SLC8A1: variants seen among roughly 807,000 people sequenced by gnomAD.
SLC8A1 encodes the protein solute carrier family 8 member A1.
SLC8A1 carries 18 observed loss-of-function variants against 68.3 expected under a neutral mutation model. The observed-to-expected ratio is 0.26, with a 90% CI of 0.18 to 0.39. SLC8A1 has a LOEUF of 0.39. Ranked by LOEUF, SLC8A1 falls within the 10% of genes least tolerant of loss-of-function variation. SLC8A1 has a pLI of 1.00. For synonymous variants in SLC8A1, 475 were observed against 415.5 expected (o/e 1.14, Z -1.74); for missense variants, 985 against 1,156.7 (o/e 0.85, Z 2.15).
At chr2:40,343,250 C>T (rs1035096878) in intron 2 of SLC8A1, among the ~76,000 whole-genome samples, 2 of 152,100 alleles carry the variant, frequency 1.3e-5, no homozygotes, top group Admixed American at 1.3e-4. Flanking sequence ...TTTTCTCAAT[C>T]TTATTTGGCC....
chr2:40,178,497 A>C lies in SLC8A1; in HGVS notation c.1809-642T>G. The C allele has an allele frequency of 6.2e-7, 1 of 1,607,676 alleles. No homozygotes were observed. Among genetic ancestry groups the C allele is most frequent in the Non-Finnish European group, 8.5e-7 (1 of 1,174,828 alleles). On this transcript the variant is annotated intron_variant, in intron 2 of 7. Transcript: ENST00000406785. ...TACCTTGACTGATATTGTTTTGCTG[A>C]AACAGAGAATAGAAATTGACGAACA...
rs367544182 is a variant in SLC8A1, at chr2:40,188,059, G to A, written c.1809-10204C>T. On this transcript the variant is annotated intron_variant, in intron 2 of 7. Transcript: ENST00000406785. ...CTCAGTGAAAATTAAAGTGGATCAA[G>A]CATAGGGTACCATGTTGAAATATGG... Among the ~76,000 whole-genome samples the A allele has an allele frequency of 3.3e-5, 5 of 152,130 alleles. No individual in the cohort carries two copies. The East Asian group carries it at 7.7e-4, about 23-fold the overall frequency.
intron 2 of SLC8A1, among the ~76,000 whole-genome samples, chr2:40,367,192 C>G (rs554793759): frequency 2.2e-4 from 34 of 152,120 alleles, no homozygotes; most frequent in African/African-American, 7.7e-4. Context: ...CATACTAACT[C>G]TTGCTTAATC....
chr2:40,335,831 G>A (rs190009510), intron 2 of SLC8A1, among the ~76,000 whole-genome samples: 229 of 152,326 alleles, frequency 1.5e-3, no homozygotes, highest in Non-Finnish European at 8.4e-4. Context: ...GGCTCTTTGG[G>A]AACCTGATCC....
chr2:40,285,404 A>G (rs1206663271), intron 2 of SLC8A1, among the ~76,000 whole-genome samples: 1 of 152,200 alleles, frequency 6.6e-6, no homozygotes, highest in East Asian at 1.9e-4. Flanking sequence ...TGATTTAGGC[A>G]GCCAATTTCT....
intron 1 of SLC8A1, among the ~76,000 whole-genome samples, chr2:40,466,676 T>C (rs1382394888): frequency 2.0e-5 from 3 of 152,160 alleles, no homozygotes; most frequent in Admixed American, 6.6e-5. Flanking sequence ...CTTTACCCTC[T>C]TGCATTACAC....
At chr2:40,329,362 C>A (rs1258315376) in intron 2 of SLC8A1, among the ~76,000 whole-genome samples, 1 of 152,182 alleles carries the variant, frequency 6.6e-6, no homozygotes, top group Non-Finnish European at 1.5e-5. Context: ...CTACAATGTT[C>A]CCTTTCTGGA....
intron 2 of SLC8A1, among the ~76,000 whole-genome samples, chr2:40,415,043 G>A (rs749847436): frequency 6.6e-6 from 1 of 152,132 alleles, no homozygotes; most frequent in Non-Finnish European, 1.5e-5. Context: ...TCGTATTTAA[G>A]GACAGGACTC....
chr2:40,234,364 G>A (rs2060082074), intron 2 of SLC8A1, among the ~76,000 whole-genome samples: 1 of 151,910 alleles, frequency 6.6e-6, no homozygotes, highest in Non-Finnish European at 1.5e-5. Flanking sequence ...TGAAGCAATT[G>A]TGAATGGGAG....
intron 2 of SLC8A1, among the ~76,000 whole-genome samples, chr2:40,229,333 A>G (rs2059363517): frequency 6.6e-6 from 1 of 152,168 alleles, no homozygotes. Context: ...CAACAGAAAT[A>G]TATTTTCCTA....
chr2:40,345,665 T>A (rs1284872755), intron 2 of SLC8A1, among the ~76,000 whole-genome samples: 1 of 152,044 alleles, frequency 6.6e-6, no homozygotes, highest in Non-Finnish European at 1.5e-5. Flanking sequence ...TATGCAGCCA[T>A]AGAAAAGAAT....
rs920232432 is a variant in SLC8A1, at chr2:40,382,474, T to A, written c.1808+45999A>T. ...TTTGATTAAATATTATTCAAATCAATAAAATATGAGTGTTTTAAAACAGTT... is the reference window on the plus strand; with the variant it reads ...TTTGATTAAATATTATTCAAATCAAAAAAATATGAGTGTTTTAAAACAGTT... On this transcript the variant is annotated intron_variant, in intron 2 of 7. Coordinates refer to ENST00000406785, the Ensembl canonical transcript of SLC8A1. Among the ~76,000 whole-genome samples, 3 of 152,238 alleles carry A rather than the reference T, an allele frequency of 2.0e-5. 1 individual carries two copies. The highest frequency in any genetic ancestry group is 1.3e-4 in the Admixed American group (2 of 15,274).
At chr2:40,346,251 C>T (rs767876518) in intron 2 of SLC8A1, among the ~76,000 whole-genome samples, 5 of 151,894 alleles carry the variant, frequency 3.3e-5, no homozygotes, top group African/African-American at 4.8e-5. Context: ...GGAGGAGTGA[C>T]GAGATGGCTG....
chr2:40,386,846 C>A (rs1683721354), intron 2 of SLC8A1, among the ~76,000 whole-genome samples: 1 of 150,980 alleles, frequency 6.6e-6, no homozygotes, highest in South Asian at 2.1e-4. Context: ...TAATGTATCC[C>A]TAAAATACCA....
At chr2:40,428,635 A>C in exon 2 of SLC8A1, 1 of 1,613,800 alleles carries the variant, frequency 6.2e-7, no homozygotes, top group Non-Finnish European at 8.5e-7. Flanking sequence ...GCTCTCACTC[A>C]CATGAGTCAC....
chr2:40,390,854 T>C (rs1204877914), intron 2 of SLC8A1, among the ~76,000 whole-genome samples: 1 of 151,918 alleles, frequency 6.6e-6, no homozygotes. Context: ...AAGATCTGTG[T>C]ACCCAATTTG....
At chr2:40,127,075 A>T (rs756461956) in intron 7 of SLC8A1, among the ~76,000 whole-genome samples, 37 of 152,178 alleles carry the variant, frequency 2.4e-4, no homozygotes, top group Non-Finnish European at 4.6e-4. Context: ...ACCACTTGAA[A>T]ATTTGAGGAT....
At chr2:40,443,803 G>A (rs1700950696) in intron 1 of SLC8A1, among the ~76,000 whole-genome samples, 1 of 152,156 alleles carries the variant, frequency 6.6e-6, no homozygotes, top group Admixed American at 6.5e-5. Flanking sequence ...ACAATCTGCA[G>A]CTGTGATATT....
At chr2:40,498,273 C>A (rs1293238812) in intron 1 of SLC8A1, among the ~76,000 whole-genome samples, 1 of 151,930 alleles carries the variant, frequency 6.6e-6, no homozygotes, top group Non-Finnish European at 1.5e-5. Flanking sequence ...AAACTAAAGT[C>A]AAATATAAAC....
Sources: gnomAD v4.1 joint callset for allele counts (sites outside exome capture counted in the v4.1 genomes callset) on GRCh38, gnomAD v4.1.1 for gene constraint, MANE v1.5 for transcripts, NCBI Gene and HGNC (gene_info 2026-07-23, HGNC 2026-07-21) for gene names.